NRXN3: variants seen among roughly 807,000 people sequenced by gnomAD.
NRXN3 encodes neurexin III.
A neutral mutation model predicts 137.6 loss-of-function variants in NRXN3; 32 were observed. That is an observed-to-expected ratio of 0.23 (90% CI 0.18 to 0.31). The LOEUF (loss-of-function observed/expected upper bound fraction) is 0.31. NRXN3 is among the 10% of genes least tolerant of loss of function. The pLI is 1.00. For missense variants in NRXN3, 1,574 were observed against 2,062.5 expected, an observed-to-expected ratio of 0.76 and a Z score of 4.59; for synonymous variants, 798 against 784.5, an observed-to-expected ratio of 1.02 and a Z score of -0.29.
chr14:78,592,741 C>A (rs917536438), intron 4 of NRXN3, among the ~76,000 whole-genome samples: 1 of 152,202 alleles, frequency 6.6e-6, no homozygotes, highest in Non-Finnish European at 1.5e-5. Flanking sequence ...TCTACTTTAA[C>A]TGGTTTTCTG....
At chr14:79,742,110 A>G (rs1423397877) in intron 19 of NRXN3, among the ~76,000 whole-genome samples, 1 of 152,160 alleles carries the variant, frequency 6.6e-6, no homozygotes, top group Admixed American at 6.5e-5. Context: ...CCTTTGCAAT[A>G]TAGTGTGGCA....
chr14:78,691,545 C>G (rs2098170418), intron 6 of NRXN3, among the ~76,000 whole-genome samples: 1 of 152,174 alleles, frequency 6.6e-6, no homozygotes, highest in Non-Finnish European at 1.5e-5. Context: ...TGCCTTGGCT[C>G]TCTTTGTCCT....
chr14:79,015,744 T>C (rs1331617381), intron 15 of NRXN3, among the ~76,000 whole-genome samples: 1 of 152,204 alleles, frequency 6.6e-6, no homozygotes, highest in Non-Finnish European at 1.5e-5. Flanking sequence ...TGTGGCATTG[T>C]CTGGTGATGT....
At chr14:79,135,815 G>A (rs2058162857) in intron 15 of NRXN3, among the ~76,000 whole-genome samples, 1 of 152,312 alleles carries the variant, frequency 6.6e-6, no homozygotes, top group East Asian at 1.9e-4. Context: ...TACTTTATGA[G>A]GAAAGAGAGA....
At chr14:78,654,735 G>A (rs948771067) in intron 6 of NRXN3, among the ~76,000 whole-genome samples, 1 of 152,178 alleles carries the variant, frequency 6.6e-6, no homozygotes, top group Non-Finnish European at 1.5e-5. Context: ...ACATTTTAGT[G>A]TGTCTGTCTC....
At chr14:78,784,726 G>A (rs757922191) in intron 8 of NRXN3, among the ~76,000 whole-genome samples, 16 of 152,106 alleles carry the variant, frequency 1.1e-4, no homozygotes, top group Non-Finnish European at 2.1e-4. Context: ...AGATGATTTC[G>A]GAAGTCTAGT....
At chr14:79,730,224 C>T (rs2154071087) in intron 19 of NRXN3, among the ~76,000 whole-genome samples, 1 of 152,246 alleles carries the variant, frequency 6.6e-6, no homozygotes, top group Admixed American at 6.5e-5. Context: ...CCACTTTGTG[C>T]CACAGCATCC....
At chr14:79,577,096 A>C (rs1326268588) in intron 16 of NRXN3, among the ~76,000 whole-genome samples, 1 of 152,070 alleles carries the variant, frequency 6.6e-6, no homozygotes, top group Non-Finnish European at 1.5e-5. Context: ...GGTTTTATAA[A>C]TGGGGGTTCC....
At chr14:79,422,506 A>C (rs928917886) in intron 15 of NRXN3, among the ~76,000 whole-genome samples, 2 of 152,128 alleles carry the variant, frequency 1.3e-5, no homozygotes, top group Non-Finnish European at 1.5e-5. Flanking sequence ...AGAAGGCCAA[A>C]GATAATTTAA....
intron 4 of NRXN3, among the ~76,000 whole-genome samples, chr14:78,482,798 A>G (rs968452108): frequency 1.4e-4 from 21 of 152,224 alleles, no homozygotes; most frequent in Non-Finnish European, 2.5e-4. Flanking sequence ...CACAGGTGTC[A>G]GAAGTGACAG....
chr14:79,271,175 T>C (rs936654828), intron 15 of NRXN3, among the ~76,000 whole-genome samples: 3 of 152,242 alleles, frequency 2.0e-5, no homozygotes, highest in African/African-American at 2.4e-5. Flanking sequence ...GTCTCTTAAA[T>C]TGGATCTCAT....
chr14:79,296,454 A>G (rs2084150932), intron 15 of NRXN3, among the ~76,000 whole-genome samples: 1 of 152,064 alleles, frequency 6.6e-6, no homozygotes, highest in Non-Finnish European at 1.5e-5. Context: ...TGGGAAAAAA[A>G]AAAAAACCAG....
intron 8 of NRXN3, among the ~76,000 whole-genome samples, chr14:78,785,398 A>C (rs567233858): frequency 6.6e-6 from 1 of 152,280 alleles, no homozygotes; most frequent in South Asian, 2.1e-4. Context: ...CTGCAGCGCT[A>C]TTCTTGGCCC....
intron 4 of NRXN3, among the ~76,000 whole-genome samples, chr14:78,445,855 A>G (rs1446682136): frequency 1.3e-5 from 2 of 152,226 alleles, no homozygotes; most frequent in Non-Finnish European, 2.9e-5. Context: ...AAAGTGAGTC[A>G]GTGCTTGCAG....
At chr14:78,827,458 G>A (rs1178329423) in intron 10 of NRXN3, among the ~76,000 whole-genome samples, 1 of 152,120 alleles carries the variant, frequency 6.6e-6, no homozygotes, top group African/African-American at 2.4e-5. Flanking sequence ...AAAACTATTG[G>A]ATGCCATCAG....
At chr14:79,280,395 GTTC>G (rs774763139) in intron 15 of NRXN3, 3 of 1,614,102 alleles carry the variant, frequency 1.9e-6, no homozygotes, top group Admixed American at 3.3e-5. Flanking sequence ...TCTGTATGGA[GTTC>G]TTCTAATGTA....
intron 15 of NRXN3, among the ~76,000 whole-genome samples, chr14:79,301,425 A>G (rs2085116237): frequency 6.6e-6 from 1 of 152,014 alleles, no homozygotes; most frequent in African/African-American, 2.4e-5. Context: ...ATTCTGAACC[A>G]GTGGTCATAA....
At chr14:79,799,505 G>T (rs988921633) in intron 19 of NRXN3, among the ~76,000 whole-genome samples, 1 of 152,160 alleles carries the variant, frequency 6.6e-6, no homozygotes, top group African/African-American at 2.4e-5. Flanking sequence ...TGAAATTCAT[G>T]CTCAGTATCT....
intron 15 of NRXN3, among the ~76,000 whole-genome samples, chr14:79,405,916 G>T (rs958043377): frequency 3.8e-4 from 58 of 152,192 alleles, no homozygotes; most frequent in African/African-American, 1.4e-3. Flanking sequence ...TTTTACAAGG[G>T]TTCATTGTTC....
Sources: gnomAD v4.1 joint callset for allele counts (sites outside exome capture counted in the v4.1 genomes callset) on GRCh38, gnomAD v4.1.1 for gene constraint, MANE v1.5 for transcripts, NCBI Gene and HGNC (gene_info 2026-07-23, HGNC 2026-07-21) for gene names.